TENM2: variants seen among roughly 807,000 people sequenced by gnomAD.
TENM2 encodes teneurin-2.
TENM2 carries 52 observed loss-of-function variants against 245.2 expected under a neutral mutation model. The ratio of observed to expected loss-of-function variants is 0.21; its 90% CI spans 0.17 to 0.27. The LOEUF (loss-of-function observed/expected upper bound fraction) is 0.27. Ranked by LOEUF, TENM2 falls within the 10% of genes least tolerant of loss-of-function variation. The probability of loss-of-function intolerance (pLI) is 1.00; values close to 1 mark genes in which losing one functional copy is unlikely to be tolerated. For missense variants in TENM2, 3,046 were observed against 3,666.8 expected (o/e 0.83, Z 4.37); for synonymous variants, 1,363 against 1,438.9 (o/e 0.95, Z 1.19).
chr5:167,783,808 G>T (rs1312188467), intron 2 of TENM2, among the ~76,000 whole-genome samples: 1 of 152,066 alleles, frequency 6.6e-6, no homozygotes, highest in Admixed American at 6.5e-5. Flanking sequence ...GGAGCCCTGG[G>T]CTCCCTCCCA....
chr5:168,155,367 A>C (rs1367144925), intron 12 of TENM2, among the ~76,000 whole-genome samples: 1 of 29,084 alleles, frequency 3.4e-5, no homozygotes, highest in Admixed American at 3.8e-4. Context: ...AAAAACAAAC[A>C]AAAAAAAAAC....
intron 3 of TENM2, among the ~76,000 whole-genome samples, chr5:167,932,370 T>G (rs1018174648): frequency 6.6e-6 from 1 of 152,170 alleles, no homozygotes; most frequent in African/African-American, 2.4e-5. Flanking sequence ...TATTAATTAT[T>G]CAGGGTCTTC....
chr5:168,171,463 A>G (rs1581527734), intron 13 of TENM2, among the ~76,000 whole-genome samples: 1 of 152,362 alleles, frequency 6.6e-6, no homozygotes, highest in Admixed American at 6.5e-5. Context: ...GATTCAAACA[A>G]GTACAGAATG....
intron 2 of TENM2, among the ~76,000 whole-genome samples, chr5:167,580,672 C>T (rs764095350): frequency 1.3e-5 from 2 of 152,210 alleles, no homozygotes; most frequent in Non-Finnish European, 2.9e-5. Flanking sequence ...GAGCAGATTT[C>T]TGTCTACTGA....
the TENM2 span, among the ~76,000 whole-genome samples, chr5:167,020,001 C>A: frequency 6.6e-6 from 1 of 152,082 alleles, no homozygotes; most frequent in Non-Finnish European, 1.5e-5. Context: ...ATAATAAAAT[C>A]TGGGAAAGTG....
intron 2 of TENM2, among the ~76,000 whole-genome samples, chr5:167,590,153 A>G (rs1435368952): frequency 1.3e-5 from 2 of 151,862 alleles, no homozygotes; most frequent in East Asian, 3.9e-4. Flanking sequence ...GATATAAGAA[A>G]CTTCTGCTTG....
chr5:167,621,992 C>T (rs1279427345), intron 2 of TENM2, among the ~76,000 whole-genome samples: 1 of 152,044 alleles, frequency 6.6e-6, no homozygotes, highest in Non-Finnish European at 1.5e-5. Flanking sequence ...CATGTTTAGG[C>T]TAATATGTGT....
intron 2 of TENM2, among the ~76,000 whole-genome samples, chr5:167,548,264 T>C (rs956015042): frequency 1.3e-5 from 2 of 152,320 alleles, no homozygotes; most frequent in East Asian, 1.9e-4. Flanking sequence ...GTTGACAGAC[T>C]TTTTTCTTAT....
intron 4 of TENM2, among the ~76,000 whole-genome samples, chr5:167,989,269 AG>A (rs1783482137): frequency 2.1e-5 from 1 of 46,870 alleles, no homozygotes; most frequent in Non-Finnish European, 3.9e-5. Context: ...AGATAGAGAA[AG>A]AGAGAGAGAG....
At chr5:168,042,248 A>C (rs1300759979) in intron 5 of TENM2, among the ~76,000 whole-genome samples, 1 of 151,812 alleles carries the variant, frequency 6.6e-6, no homozygotes, top group Non-Finnish European at 1.5e-5. Flanking sequence ...GCAGTCTTCC[A>C]TTTTCAAAGG....
intron 2 of TENM2, among the ~76,000 whole-genome samples, chr5:167,789,134 CA>C (rs1400631924): frequency 6.6e-6 from 1 of 152,116 alleles, no homozygotes; most frequent in African/African-American, 2.4e-5. Flanking sequence ...ACAAAGGTAT[CA>C]ATAAAAAAAC....
chr5:167,150,022 C>A, the TENM2 span, among the ~76,000 whole-genome samples: 1 of 152,068 alleles, frequency 6.6e-6, no homozygotes, highest in African/African-American at 2.4e-5. Context: ...GGAAAACACC[C>A]AGAGAAAACT....
the TENM2 span, among the ~76,000 whole-genome samples, chr5:167,218,939 A>T: frequency 1.3e-5 from 2 of 152,172 alleles, no homozygotes; most frequent in Non-Finnish European, 2.9e-5. Context: ...TACTTGCCCA[A>T]TGTCACATAG....
At position 167,525,478 on chromosome 5, in the gene TENM2, T is replaced by G. The variant is rs889351559; in HGVS notation, c.502+150005T>G. Among the ~76,000 whole-genome samples, 4 of 152,140 alleles carry G rather than the reference T, an allele frequency of 2.6e-5. No individual in the cohort carries two copies. In the East Asian group the frequency reaches 7.7e-4, roughly 29 times the overall value. On this transcript the variant is annotated intron_variant, in intron 2 of 28. Transcript: ENST00000518659. ...CATATGGCTCAGCTCTACTGAGATT[T>G]GTTATCATAAAAGAATGCATGAGTG...
chr5:167,678,714 G>A lies in TENM2; in HGVS notation c.503-197272G>A, dbSNP rs369499475. ...AGAAGAAACCCTTGGTGCCAATCAGGCCAGAATAGCAGCAGACAAGACGCC... is the reference window on the plus strand; with the variant it reads ...AGAAGAAACCCTTGGTGCCAATCAGACCAGAATAGCAGCAGACAAGACGCC... On this transcript the variant is annotated intron_variant, in intron 2 of 28. Coordinates refer to ENST00000518659, the Ensembl canonical transcript of TENM2. Among the ~76,000 whole-genome samples, 7 of 152,026 alleles carry A rather than the reference G, an allele frequency of 4.6e-5. No homozygotes were observed. In the East Asian group the frequency reaches 9.6e-4, roughly 21 times the overall value.
At chr5:168,236,220 A>G (rs1002185049) in intron 25 of TENM2, among the ~76,000 whole-genome samples, 1 of 152,204 alleles carries the variant, frequency 6.6e-6, no homozygotes, top group Admixed American at 6.5e-5. Flanking sequence ...ACTAGGAAAT[A>G]TACAACATAC....
chr5:167,041,539 G>A, the TENM2 span, among the ~76,000 whole-genome samples: 43 of 152,156 alleles, frequency 2.8e-4, no homozygotes, highest in Admixed American at 7.2e-4. Context: ...CAGAGTCCTA[G>A]GAAAGCAGAA....
intron 3 of TENM2, among the ~76,000 whole-genome samples, chr5:167,888,338 G>A (rs7449290): frequency 0.75 from 114,740 of 152,130 alleles, 45,249 homozygotes; most frequent in East Asian, 0.98. Flanking sequence ...GTCTCATTTC[G>A]TTCTATGCAT....
the TENM2 span, among the ~76,000 whole-genome samples, chr5:167,161,887 C>T: frequency 1.2e-4 from 18 of 152,120 alleles, no homozygotes; most frequent in South Asian, 2.5e-3. Context: ...TTCCCTGGGA[C>T]GCCGGGTGCA....
Sources: gnomAD v4.1 joint callset for allele counts (sites outside exome capture counted in the v4.1 genomes callset) on GRCh38, gnomAD v4.1.1 for gene constraint, MANE v1.5 for transcripts, NCBI Gene and HGNC (gene_info 2026-07-23, HGNC 2026-07-21) for gene names.